Variants in MYOF observed in about 807,000 individuals in gnomAD.
MYOF encodes fer-1-like 3, myoferlin.
In MYOF, 244 loss-of-function variants were observed where a neutral mutation model predicts 284.2. The observed-to-expected ratio is 0.86, with a 90% CI of 0.77 to 0.95. The LOEUF (loss-of-function observed/expected upper bound fraction) is 0.95, where lower values mean the gene tolerates loss of function less well. Ranked by LOEUF, MYOF falls within the 40% of genes least tolerant of loss-of-function variation. The pLI is 0.00. For synonymous variants in MYOF, 904 were observed against 919.7 expected (o/e 0.98, Z 0.31); for missense variants, 2,496 against 2,560.6 (o/e 0.97, Z 0.54).
chr10:93,354,313 G>T (rs185567891), intron 31 of MYOF, among the ~76,000 whole-genome samples: 7 of 152,270 alleles, frequency 4.6e-5, no homozygotes, highest in Non-Finnish European at 8.8e-5. Flanking sequence ...TGGAGACAGA[G>T]GTTTCAGTGA....
In MYOF at chr10:93,374,886, C is replaced by A; in HGVS notation, c.2178G>T (p.Arg726=). The A allele has an allele frequency of 6.2e-7, 1 of 1,614,172 alleles. No individual in the cohort carries two copies. The highest frequency in any genetic ancestry group is 1.3e-5 in the African/African-American group (1 of 75,050). The part of the protein sequence containing the change: ...TVLDTQIRKL[R]SRSLSQIHEA... ...CATGTATTTGGGAGAGAGACCTGGA[C>A]CGCAGCTTTCGGATCTGAGTATCGA... Residue 726 remains arginine, a synonymous_variant, in exon 23 of 54, where the codon CGG becomes CGT. Transcript: ENST00000359263.
At chr10:93,436,299 T>C (rs1416563967) in intron 3 of MYOF, among the ~76,000 whole-genome samples, 4 of 152,036 alleles carry the variant, frequency 2.6e-5, no homozygotes, top group Non-Finnish European at 4.4e-5. Flanking sequence ...CCAGAGAGGG[T>C]AGTAACAGAT....
intron 3 of MYOF, among the ~76,000 whole-genome samples, chr10:93,450,027 G>A (rs1438429466): frequency 1.3e-5 from 2 of 152,088 alleles, no homozygotes; most frequent in East Asian, 1.9e-4. Context: ...GGAGGCTGAG[G>A]TGGACAGATC....
chr10:93,480,044 T>G lies in MYOF; in HGVS notation c.88+2063A>C, dbSNP rs552456958. 2.0e-5 allele frequency among the ~76,000 whole-genome samples: 3 copies of G among 152,360 alleles called. No homozygotes were observed. The South Asian group carries it at 6.2e-4, about 32-fold the overall frequency. On this transcript the variant is annotated intron_variant, in intron 1 of 53. Coordinates refer to ENST00000359263, the MANE Select transcript of MYOF (RefSeq NM_013451.4). ...CAATTCCTCTATAATCTATAATACT[T>G]AAATAATTACATGATCGGACTGATC...
intron 20 of MYOF, among the ~76,000 whole-genome samples, chr10:93,380,461 A>T (rs1182122125): frequency 6.6e-6 from 1 of 152,206 alleles, no homozygotes; most frequent in African/African-American, 2.4e-5. Flanking sequence ...ATTAAGAATT[A>T]TTAGCTGATG....
At chr10:93,425,963 G>T in intron 5 of MYOF, 108 bp downstream of exon 5, 1 of 1,150,984 alleles carries the variant, frequency 8.7e-7, no homozygotes, top group South Asian at 1.4e-5. Flanking sequence ...TGGGTGGGCA[G>T]GGAGCTACAG....
chr10:93,313,130 G>A lies in MYOF; in HGVS notation c.5779C>T (p.Leu1927Phe). The A allele has an allele frequency of 6.2e-7, 1 of 1,614,084 alleles. No individual in the cohort carries two copies. The highest frequency in any genetic ancestry group is 8.5e-7 in the Non-Finnish European group (1 of 1,179,982). ...EKCRLDMIPD[L>F]KAMNPLKAKT... is the part of the protein sequence containing the mutation. ...GCTTTAAGGGGGTTCATGGCTTTGA[G>A]GTCCGGAATCATGTCCAATCTGCAT... The change falls in exon 51 of 54, where the codon CTC becomes TTC. Residue 1927 changes from leucine to phenylalanine, a missense_variant. By Grantham distance (22) the Leu-to-Phe change is conservative (BLOSUM62 0). Around this residue, in one of 3 missense-constraint regions of MYOF, gnomAD observed 2,436 missense variants for 2,480.7 expected, o/e 0.98. Transcript: ENST00000359263.
intron 16 of MYOF, among the ~76,000 whole-genome samples, chr10:93,393,326 T>C (rs1157686149): frequency 6.6e-6 from 1 of 152,204 alleles, no homozygotes; most frequent in Non-Finnish European, 1.5e-5. Flanking sequence ...AAAATCCAAG[T>C]AAATGTGGTC....
chr10:93,329,772 T>A lies in MYOF; in HGVS notation c.4874A>T (p.Tyr1625Phe). ...TTTTTCATCCCGGGTAAAGGTGTCA[T>A]AATCATAGACAGAAATTTTCAGGTC... ...EKDLKISVYD[Y>F]DTFTRDEKVG... The change falls in exon 44 of 54, where the codon TAT becomes TTT. Residue 1625 changes from tyrosine to phenylalanine, a missense_variant. Tyr to Phe is a conservative substitution (Grantham distance 22). This residue lies in a region of MYOF where 2,436 missense variants were observed against 2,480.7 expected (regional missense o/e 0.98). Coordinates refer to ENST00000359263, the MANE Select transcript of MYOF (RefSeq NM_013451.4). 1 of 1,614,240 alleles carries A rather than the reference T, an allele frequency of 6.2e-7. No homozygotes were observed.
chr10:93,449,003 A>T (rs1212157530), intron 3 of MYOF, among the ~76,000 whole-genome samples: 1 of 152,112 alleles, frequency 6.6e-6, no homozygotes, highest in African/African-American at 2.4e-5. Context: ...TCAAAAAAAA[A>T]GCAAGAGGGA....
intron 45 of MYOF, among the ~76,000 whole-genome samples, chr10:93,327,433 C>T (rs778449925): frequency 3.9e-5 from 6 of 152,106 alleles, no homozygotes; most frequent in Admixed American, 1.3e-4. Flanking sequence ...GGCACAAGCT[C>T]ATGGCCAGCC....
chr10:93,459,911 C>G (rs758109357), intron 1 of MYOF, among the ~76,000 whole-genome samples: 1 of 152,084 alleles, frequency 6.6e-6, no homozygotes, highest in African/African-American at 2.4e-5. Flanking sequence ...CTCCCATAAC[C>G]GGGGCTTGGG....
intron 17 of MYOF, among the ~76,000 whole-genome samples, chr10:93,389,428 T>C (rs1846564422): frequency 6.6e-6 from 1 of 152,258 alleles, no homozygotes; most frequent in Non-Finnish European, 1.5e-5. Flanking sequence ...ACTTTGAAGT[T>C]GACCTTCACA....
intron 25 of MYOF, among the ~76,000 whole-genome samples, chr10:93,368,061 A>G (rs1845409895): frequency 1.3e-5 from 2 of 150,244 alleles, no homozygotes; most frequent in Admixed American, 1.3e-4. Context: ...ATCATTGCTC[A>G]GGGCTGCTTT....
At chr10:93,454,986 TTAA>T (rs869200094) in intron 2 of MYOF, among the ~76,000 whole-genome samples, 5,588 of 84,486 alleles carry the variant, frequency 0.066, 510 homozygotes, top group Non-Finnish European at 0.077. Flanking sequence ...CTTTTTTTAA[TTAA>T]AAAAAAAAAA....
intron 1 of MYOF, among the ~76,000 whole-genome samples, chr10:93,459,956 G>T (rs1403836777): frequency 6.6e-6 from 1 of 152,150 alleles, no homozygotes; most frequent in Non-Finnish European, 1.5e-5. Flanking sequence ...GAGTGGATCT[G>T]GACCCTGAGA....
intron 25 of MYOF, among the ~76,000 whole-genome samples, chr10:93,368,164 A>G (rs1033524255): frequency 4.6e-5 from 7 of 152,170 alleles, no homozygotes; most frequent in Admixed American, 3.3e-4. Flanking sequence ...TACCTATGCC[A>G]TGAAGCCCCT....
chr10:93,328,721 C>T (rs778266669), intron 45 of MYOF, 42 bp downstream of exon 45: 13 of 1,582,770 alleles, frequency 8.2e-6, no homozygotes, highest in South Asian at 5.7e-5. Context: ...ATATGGGTTA[C>T]TATACTTTGT....
intron 19 of MYOF, among the ~76,000 whole-genome samples, chr10:93,387,512 C>G (rs1254613916): frequency 6.6e-6 from 1 of 152,208 alleles, no homozygotes; most frequent in Non-Finnish European, 1.5e-5. Flanking sequence ...GTGGCACCTA[C>G]AGCTCTTGGT....
Sources: gnomAD v4.1 joint callset for allele counts (sites outside exome capture counted in the v4.1 genomes callset) on GRCh38, gnomAD v4.1.1 for gene constraint, gnomAD v4.1.1 regional missense constraint, MANE v1.5 for transcripts, NCBI Gene and HGNC (gene_info 2026-07-23, HGNC 2026-07-21) for gene names.